Variants in GNAL observed in about 807,000 individuals in gnomAD.
The protein encoded by GNAL is guanine nucleotide-binding protein G(olf) subunit alpha.
A neutral mutation model predicts 55.1 loss-of-function variants in GNAL; 18 were observed. The ratio of observed to expected loss-of-function variants is 0.33; its 90% confidence interval spans 0.23 to 0.48. GNAL has a LOEUF of 0.48. Ranked by LOEUF, GNAL falls within the 20% of genes least tolerant of loss-of-function variation. The pLI is 0.99. For synonymous variants in GNAL, 253 were observed against 237.0 expected (o/e 1.07, Z -0.62); for missense variants, 412 against 614.1 (o/e 0.67, Z 3.48).
At chr18:11,855,810 T>G (rs1317285827) in intron 5 of GNAL, among the ~76,000 whole-genome samples, 2 of 151,962 alleles carry the variant, frequency 1.3e-5, no homozygotes, top group African/African-American at 2.4e-5. Flanking sequence ...CCGTCTCTAC[T>G]AAAAATACAA....
intron 1 of GNAL, among the ~76,000 whole-genome samples, chr18:11,704,472 G>A (rs1462575615): frequency 6.6e-6 from 1 of 152,160 alleles, no homozygotes; most frequent in Non-Finnish European, 1.5e-5. Flanking sequence ...TGGGCCTAGG[G>A]TGATCAGTGA....
At position 11,809,448 on chromosome 18, in the gene GNAL, A is replaced by G. The variant is rs1268687140; in HGVS notation, c.625-15470A>G. Among the ~76,000 whole-genome samples, 3 of 152,336 alleles carry G rather than the reference A, an allele frequency of 2.0e-5. No homozygotes were observed. In the East Asian group the frequency reaches 5.8e-4, roughly 29 times the overall value. The stretch of plus-strand genomic sequence containing the variant: ...ACTTAAGATTGTTGAATTGTATGGT[A>G]TATAAATTATATCTCAATAAAGCTG... On this transcript the variant is annotated intron_variant, in intron 4 of 11. Transcript: ENST00000334049.
chr18:11,875,012 G>A (rs2036497613), intron 10 of GNAL, among the ~76,000 whole-genome samples: 1 of 152,230 alleles, frequency 6.6e-6, no homozygotes, highest in Non-Finnish European at 1.5e-5. Flanking sequence ...TGGGGTTACA[G>A]AAAATAATGA....
At chr18:11,711,843 G>A (rs2031846254) in intron 1 of GNAL, among the ~76,000 whole-genome samples, 1 of 152,176 alleles carries the variant, frequency 6.6e-6, no homozygotes, top group South Asian at 2.1e-4. Context: ...ACCTCTCCCA[G>A]TCCTTATGGC....
At chr18:11,781,957 C>T (rs1341555050) in intron 4 of GNAL, among the ~76,000 whole-genome samples, 1 of 152,108 alleles carries the variant, frequency 6.6e-6, no homozygotes, top group East Asian at 1.9e-4. Flanking sequence ...GGAAACAACC[C>T]AAATGGCCAC....
chr18:11,855,928 C>T (rs967942527), intron 5 of GNAL, among the ~76,000 whole-genome samples: 7 of 150,712 alleles, frequency 4.6e-5, no homozygotes, highest in African/African-American at 1.5e-4. Flanking sequence ...GCCGAGATCG[C>T]GCCATTGCAC....
intron 4 of GNAL, among the ~76,000 whole-genome samples, chr18:11,755,040 A>G (rs1278119554): frequency 1.3e-5 from 2 of 149,612 alleles, no homozygotes; most frequent in Non-Finnish European, 3.0e-5. Flanking sequence ...ATGTGTATTC[A>G]TCAATAACAG....
chr18:11,852,260 A>C, intron 5 of GNAL: 1 of 910,758 alleles, frequency 1.1e-6, no homozygotes, highest in Non-Finnish European at 1.6e-6. Context: ...CCTCCACATA[A>C]ATTAAGAAAT....
chr18:11,831,121 G>A (rs1460431816), intron 5 of GNAL, among the ~76,000 whole-genome samples: 1 of 152,146 alleles, frequency 6.6e-6, no homozygotes, highest in Admixed American at 6.5e-5. Context: ...AAAATGGTGA[G>A]TTTTGTCTTA....
intron 1 of GNAL, among the ~76,000 whole-genome samples, chr18:11,740,658 G>C (rs571118738): frequency 6.6e-6 from 1 of 152,268 alleles, no homozygotes; most frequent in East Asian, 1.9e-4. Context: ...CTTCCTTTCT[G>C]AAAATCCTGG....
intron 5 of GNAL, chr18:11,853,142 T>G (rs1054303743): frequency 6.0e-6 from 1 of 167,046 alleles, no homozygotes; most frequent in Non-Finnish European, 1.5e-5. Flanking sequence ...TAATTTGCAT[T>G]TATTAATTTG....
chr18:11,807,293 T>G (rs1181638390), intron 4 of GNAL, among the ~76,000 whole-genome samples: 2 of 152,236 alleles, frequency 1.3e-5, no homozygotes, highest in African/African-American at 2.4e-5. Flanking sequence ...ATTTGACTTA[T>G]GGTTTCAACG....
chr18:11,848,382 G>A (rs1175385333), intron 5 of GNAL, among the ~76,000 whole-genome samples: 2 of 152,010 alleles, frequency 1.3e-5, no homozygotes, highest in African/African-American at 4.8e-5. Context: ...AGAAAGTAGA[G>A]GTGTCATCAT....
Position 11,867,151 on chromosome 18 carries a change from C to T in GNAL, c.852-17C>T. The stretch of plus-strand genomic sequence containing the variant: ...CTGCTTCCCCCAAATAATTGTGTTC[C>T]TCTTGCTCTTCCACAGCATGTTTGA... On this transcript the variant is annotated splice_polypyrimidine_tract_variant and intron_variant, in intron 7 of 11. Coordinates refer to ENST00000334049, the MANE Select transcript of GNAL (RefSeq NM_182978.4). 2 of 1,598,878 alleles carry T rather than the reference C, an allele frequency of 1.3e-6. No individual in the cohort carries two copies. Among genetic ancestry groups the T allele is most frequent in the Non-Finnish European group, 1.7e-6 (2 of 1,166,150 alleles).
chr18:11,726,074 G>C (rs1444073591), intron 1 of GNAL, among the ~76,000 whole-genome samples: 1 of 152,188 alleles, frequency 6.6e-6, no homozygotes, highest in African/African-American at 2.4e-5. Context: ...GTATTTCTGT[G>C]AGTCTATTTC....
chr18:11,869,170 G>A (rs2036334855), intron 9 of GNAL, among the ~76,000 whole-genome samples: 1 of 151,516 alleles, frequency 6.6e-6, no homozygotes, highest in Non-Finnish European at 1.5e-5. Context: ...TTGAGATAGA[G>A]TCTCGCTGTG....
At chr18:11,858,982 A>G (rs765311956) in intron 5 of GNAL, among the ~76,000 whole-genome samples, 2 of 152,158 alleles carry the variant, frequency 1.3e-5, no homozygotes, top group Non-Finnish European at 2.9e-5. Flanking sequence ...ACATCTCTCT[A>G]GCACTCCAGA....
chr18:11,806,509 C>A (rs1006776427), intron 4 of GNAL, among the ~76,000 whole-genome samples: 1 of 152,024 alleles, frequency 6.6e-6, no homozygotes, highest in Non-Finnish European at 1.5e-5. Context: ...CATCTTCAGT[C>A]GATTTTTGTA....
chr18:11,750,133 C>T (rs1327600934), intron 1 of GNAL, among the ~76,000 whole-genome samples: 1 of 152,142 alleles, frequency 6.6e-6, no homozygotes, highest in African/African-American at 2.4e-5. Context: ...ACTCAGGAAA[C>T]GGACCCAACG....
Sources: gnomAD v4.1 joint callset for allele counts (sites outside exome capture counted in the v4.1 genomes callset) on GRCh38, gnomAD v4.1.1 for gene constraint, MANE v1.5 for transcripts, NCBI Gene and HGNC (gene_info 2026-07-23, HGNC 2026-07-21) for gene names.